The following QKI variants were observed in gnomAD, a reference collection of about 807,000 sequenced individuals.
QKI encodes the protein KH domain-containing RNA-binding protein QKI.
QKI carries 10 observed loss-of-function variants against 39.0 expected under a neutral mutation model. The observed-to-expected ratio is 0.26, with a 90% CI of 0.16 to 0.43. QKI has a LOEUF of 0.43. Ranked by LOEUF, QKI falls within the 20% of genes least tolerant of loss-of-function variation. The pLI is 1.00. For missense variants in QKI, 218 were observed against 428.0 expected (o/e 0.51, Z 4.33); for synonymous variants, 204 against 155.4 (o/e 1.31, Z -2.33).
At chr6:163,439,514 A>C (rs1011754648) in intron 1 of QKI, among the ~76,000 whole-genome samples, 18 of 143,566 alleles carry the variant, frequency 1.3e-4, no homozygotes, top group African/African-American at 4.6e-4. Context: ...CACATGGCTA[A>C]TTTTTTTTTT....
intron 1 of QKI, among the ~76,000 whole-genome samples, chr6:163,419,451 T>G (rs1787815335): frequency 6.6e-6 from 1 of 152,166 alleles, no homozygotes; most frequent in Non-Finnish European, 1.5e-5. Context: ...TCAGTAATCA[T>G]CATCTGTAAC....
rs572295308 is a variant in QKI at position 163,571,151 on chromosome 6, A to G, written c.*441A>G. Reference sequence around the variant, plus strand: ...CGAAGTCAAAGCTCTCTCTGAATGTACTGTGTGATGATGCATCATGCATGA... The same window carrying G: ...CGAAGTCAAAGCTCTCTCTGAATGTGCTGTGTGATGATGCATCATGCATGA... On this transcript the variant is annotated 3_prime_UTR_variant, in exon 8 of 8. Coordinates refer to ENST00000361752, the MANE Select transcript of QKI (RefSeq NM_006775.3). 82 of 154,170 alleles carry G rather than the reference A, an allele frequency of 5.3e-4. No individual in the cohort carries two copies. The highest frequency in any genetic ancestry group is 3.3e-3 in the Middle Eastern group (1 of 300). The allele number at this position is 154,170 out of a possible 1,614,324, so 9.6% of individuals were successfully genotyped here. A position where few individuals can be genotyped will look rare whatever the true frequency, so the allele number is the denominator to read the frequency against.
Position 163,571,914 on chromosome 6 carries a change from C to T in QKI, c.*1204C>T, listed in dbSNP as rs1294569728. 6.6e-6 allele frequency: 1 copy of T among 152,088 alleles called. No homozygotes were observed. The highest frequency in any genetic ancestry group is 1.5e-5 in the Non-Finnish European group (1 of 68,018). The allele number at this position is 152,088 out of a possible 1,614,324, so 9.4% of individuals were successfully genotyped here. On this transcript the variant is annotated 3_prime_UTR_variant, in exon 8 of 8. Coordinates refer to ENST00000361752, the MANE Select transcript of QKI (RefSeq NM_006775.3). ...CAGTCAAGTGTCTCATAAAGATCAG[C>T]TCCTCCCTCAGAATACAAGTTAATG...
intron 3 of QKI, among the ~76,000 whole-genome samples, chr6:163,522,017 C>A (rs1157233492): frequency 2.0e-5 from 3 of 152,216 alleles, no homozygotes; most frequent in African/African-American, 7.2e-5. Flanking sequence ...AAGGAAGATA[C>A]AGGAAAGAAC....
intron 1 of QKI, among the ~76,000 whole-genome samples, chr6:163,428,454 T>C (rs1788574826): frequency 6.6e-6 from 1 of 152,200 alleles, no homozygotes; most frequent in South Asian, 2.1e-4. Context: ...GAAGAAAATG[T>C]GTCATAGTTT....
intron 1 of QKI, among the ~76,000 whole-genome samples, chr6:163,424,284 A>G (rs1316813877): frequency 6.6e-6 from 1 of 152,210 alleles, no homozygotes; most frequent in Non-Finnish European, 1.5e-5. Flanking sequence ...CCGTGGTTGC[A>G]GTGATGCCAT....
rs1783207880 is a variant in QKI at position 163,564,168 on chromosome 6, TTGTG to T, written c.934+455_934+458del. ...TGAGCGCTTTATAAAATTCATATTA[TTGTG>T]TGTGTTTTGTAATATTTGCGATCAC... is the stretch of plus-strand genomic sequence containing the variant. On this transcript the variant is annotated intron_variant, in intron 6 of 7. Transcript: ENST00000361752. 6 of 1,021,060 alleles carry T rather than the reference TTGTG, an allele frequency of 5.9e-6. No homozygotes were observed. The South Asian group carries it at 2.5e-4, about 42-fold the overall frequency. 63.3% of individuals were successfully genotyped at this position (1,021,060 alleles called of 1,614,324 possible).
At chr6:163,510,616 A>G (rs1779389516) in intron 3 of QKI, among the ~76,000 whole-genome samples, 1 of 152,192 alleles carries the variant, frequency 6.6e-6, no homozygotes, top group South Asian at 2.1e-4. Flanking sequence ...GTTGAAAATA[A>G]ATAGATTGAA....
intron 1 of QKI, among the ~76,000 whole-genome samples, chr6:163,447,021 C>T (rs1216868925): frequency 6.6e-6 from 1 of 152,120 alleles, no homozygotes; most frequent in Non-Finnish European, 1.5e-5. Context: ...TATTATAGTA[C>T]AGCCAGCAAT....
At chr6:163,423,250 T>C (rs1367350321) in intron 1 of QKI, 1 of 152,308 alleles carries the variant, frequency 6.6e-6, no homozygotes, top group Non-Finnish European at 1.5e-5. Flanking sequence ...ATTGCGCCAC[T>C]GCACTCCAGC....
At chr6:163,486,635 A>G (rs1221770289) in intron 3 of QKI, among the ~76,000 whole-genome samples, 1 of 152,220 alleles carries the variant, frequency 6.6e-6, no homozygotes, top group Admixed American at 6.5e-5. Flanking sequence ...TAGAAAAGTG[A>G]GAAAGTCCTA....
intron 1 of QKI, 179 bp from the exon 2 acceptor site, chr6:163,455,100 A>T: frequency 2.4e-6 from 1 of 420,412 alleles, no homozygotes; most frequent in Non-Finnish European, 4.1e-6. Context: ...GAAATTAATT[A>T]AGGCTATAGT....
Position 163,570,862 on chromosome 6 carries a change from A to C in QKI, c.*152A>C. On this transcript the variant is annotated 3_prime_UTR_variant, in exon 8 of 8. Coordinates refer to ENST00000361752, the MANE Select transcript of QKI (RefSeq NM_006775.3). ...GTTCGTCTTACCATCTAACCAAACA[A>C]AAGACAAAGAAATTGTTGTCCTCCA... 1 of 1,077,116 alleles carries C rather than the reference A, an allele frequency of 9.3e-7. No individual in the cohort carries two copies. The highest frequency in any genetic ancestry group is 1.3e-6 in the Non-Finnish European group (1 of 768,628). The allele number at this position is 1,077,116 out of a possible 1,614,324, so 66.7% of individuals were successfully genotyped here.
chr6:163,480,725 G>A (rs1383542415), intron 3 of QKI, among the ~76,000 whole-genome samples: 6 of 152,084 alleles, frequency 3.9e-5, no homozygotes, highest in Admixed American at 3.3e-4. Context: ...TCAAATGAAC[G>A]TTGCCATGAA....
At chr6:163,488,831 T>G (rs1418179193) in intron 3 of QKI, among the ~76,000 whole-genome samples, 1 of 152,160 alleles carries the variant, frequency 6.6e-6, no homozygotes, top group Non-Finnish European at 1.5e-5. Flanking sequence ...CTTAGAATAT[T>G]TACATGGTTC....
chr6:163,546,915 C>T (rs753164205), intron 4 of QKI, among the ~76,000 whole-genome samples: 1 of 151,894 alleles, frequency 6.6e-6, no homozygotes, highest in Non-Finnish European at 1.5e-5. Flanking sequence ...TTTTTTAATT[C>T]TCTTAACGTT....
chr6:163,567,291 CATG>C, intron 7 of QKI: 1 of 986,474 alleles, frequency 1.0e-6, no homozygotes. Flanking sequence ...ACTGTATAAA[CATG>C]AGGGTGCACA....
rs553186636 is a variant in QKI at position 163,432,209 on chromosome 6, C to T, written c.142+16874C>T. ...TTCTTCCTCCAAATAAGAATACAATCAAGCATCTAATGCACAGTCATATTA... is the reference window on the plus strand; with the variant it reads ...TTCTTCCTCCAAATAAGAATACAATTAAGCATCTAATGCACAGTCATATTA... On this transcript the variant is annotated intron_variant, in intron 1 of 7. Coordinates refer to ENST00000361752, the MANE Select transcript of QKI (RefSeq NM_006775.3). Among the ~76,000 whole-genome samples, 3 of 152,204 alleles carry T rather than the reference C, an allele frequency of 2.0e-5. No homozygotes were observed. The South Asian group carries it at 6.2e-4, about 32-fold the overall frequency.
chr6:163,424,322 CTGTA>C (rs1231736110), intron 1 of QKI, among the ~76,000 whole-genome samples: 1 of 151,972 alleles, frequency 6.6e-6, no homozygotes, highest in Non-Finnish European at 1.5e-5. Context: ...AGTTTTAACT[CTGTA>C]TGTGTGTGCC....
Sources: allele counts gnomAD v4.1 joint callset (sites outside exome capture counted in the v4.1 genomes callset), GRCh38; gene constraint gnomAD v4.1.1; transcripts MANE v1.5; gene names NCBI Gene and HGNC (gene_info 2026-07-23, HGNC 2026-07-21).